Variants in LRRC7 observed in about 807,000 individuals in gnomAD.
The protein encoded by LRRC7 is leucine-rich repeat-containing protein 7.
Under a neutral mutation model 175.7 loss-of-function variants are expected in LRRC7, and 23 were observed. That is an observed-to-expected ratio of 0.13 (90% CI 0.09 to 0.19). The LOEUF (loss-of-function observed/expected upper bound fraction) is 0.19, where lower values mean the gene tolerates loss of function less well. LRRC7 is among the 10% of genes least tolerant of loss of function. LRRC7 has a pLI of 1.00. For missense variants in LRRC7, 1,354 were observed against 1,904.7 expected (o/e 0.71, Z 5.38); for synonymous variants, 685 against 680.9 (o/e 1.01, Z -0.09).
intron 7 of LRRC7, among the ~76,000 whole-genome samples, chr1:69,896,218 T>C (rs1172247796): frequency 6.6e-6 from 1 of 152,164 alleles, no homozygotes; most frequent in Non-Finnish European, 1.5e-5. Context: ...GATAATTTCA[T>C]ATATTCATAT....
intron 11 of LRRC7, among the ~76,000 whole-genome samples, chr1:70,010,299 C>CT (rs1656384825): frequency 6.6e-6 from 1 of 152,226 alleles, no homozygotes; most frequent in Non-Finnish European, 1.5e-5. Flanking sequence ...GGCACAGTGG[C>CT]TCACGCCTGT....
intron 23 of LRRC7, 100 bp downstream of exon 23, chr1:70,053,245 G>A: frequency 8.5e-7 from 1 of 1,169,928 alleles, no homozygotes. Flanking sequence ...CTAAGTTTGT[G>A]ATAACTTTAA....
intron 9 of LRRC7, among the ~76,000 whole-genome samples, chr1:69,982,250 T>C (rs545463582): frequency 6.6e-5 from 10 of 152,350 alleles, no homozygotes; most frequent in African/African-American, 2.4e-4. Flanking sequence ...CTGCTAGCTT[T>C]ATATAGATTC....
chr1:69,827,889 A>T (rs967893114), intron 5 of LRRC7, among the ~76,000 whole-genome samples: 1 of 152,144 alleles, frequency 6.6e-6, no homozygotes. Context: ...GAATTTTAAC[A>T]AATGTATACA....
At chr1:69,876,027 T>C (rs1191682765) in intron 7 of LRRC7, among the ~76,000 whole-genome samples, 1 of 152,116 alleles carries the variant, frequency 6.6e-6, no homozygotes, top group African/African-American at 2.4e-5. Context: ...TGAACAACAC[T>C]CTGTATTGCC....
At chr1:69,872,273 G>A (rs1314717404) in intron 7 of LRRC7, among the ~76,000 whole-genome samples, 1 of 151,976 alleles carries the variant, frequency 6.6e-6, no homozygotes, top group Non-Finnish European at 1.5e-5. Context: ...GTTATTAATT[G>A]AAATGTGATT....
rs1376622415 is a variant in LRRC7, at chr1:70,131,338, C to T, written c.*9451C>T. ...TGGGAATCTAATGATATCTAAGACC[C>T]CCAGGTTGGTAAGCTCCTAACCACA... On this transcript the variant is annotated 3_prime_UTR_variant, in exon 27 of 27. Transcript: ENST00000651989. Among the ~76,000 whole-genome samples the T allele has an allele frequency of 6.6e-6, 1 of 152,148 alleles. No homozygotes were observed. The highest frequency in any genetic ancestry group is 1.9e-4 in the East Asian group (1 of 5,190).
At chr1:69,991,997 T>A (rs1018324251) in intron 10 of LRRC7, among the ~76,000 whole-genome samples, 1 of 152,130 alleles carries the variant, frequency 6.6e-6, no homozygotes, top group Non-Finnish European at 1.5e-5. Context: ...TTTATCTTAC[T>A]CACTTAAAGG....
In LRRC7 at chr1:70,039,229, T is replaced by C. The variant is rs371095777; in HGVS notation, c.3405T>C (p.Ala1135=). ...CTCAGCCATCTGTGAATGAGGATGC[T>C]GTGGTGAATGCCCAGTTCGCAAGCC... ...SFSQPSVNED[A]VVNAQFASQG... Residue 1135 remains alanine (A), a synonymous_variant, in exon 21 of 27, where the codon GCT becomes GCC. Coordinates refer to ENST00000651989, the MANE Select transcript of LRRC7 (RefSeq NM_001370785.2). 9 of 1,613,886 alleles carry C rather than the reference T, an allele frequency of 5.6e-6. No individual in the cohort carries two copies. Among genetic ancestry groups the C allele is most frequent in the South Asian group, 1.1e-5 (1 of 91,078 alleles).
At chr1:69,738,816 G>A (rs372864856) in intron 2 of LRRC7, among the ~76,000 whole-genome samples, 9 of 151,940 alleles carry the variant, frequency 5.9e-5, no homozygotes, top group East Asian at 1.9e-4. Flanking sequence ...CTTGGCAGAC[G>A]GAGTAGAAAA....
rs1346614881 is a variant in LRRC7 at position 70,038,196 on chromosome 1, A to G, written c.2372A>G (p.Gln791Arg). Reference sequence around the variant, plus strand: ...GCTGTTCCCCCAGGCAATATACCACAGCGTCCTGACCGGCTGCCCATGAGT... The same window carrying G: ...GCTGTTCCCCCAGGCAATATACCACGGCGTCCTGACCGGCTGCCCATGAGT... Reference protein sequence around the residue: ...REAVPPGNIPQRPDRLPMSDT... With the variant: ...REAVPPGNIPRRPDRLPMSDT... Residue 791 changes from glutamine to arginine, a missense_variant, in exon 21 of 27, where the codon CAG becomes CGG. Gln to Arg is a conservative substitution (Grantham distance 43, BLOSUM62 1). This residue lies in a region of LRRC7 where 1,032 missense variants were observed against 1,227.2 expected (regional missense o/e 0.84). Coordinates refer to ENST00000651989, the MANE Select transcript of LRRC7 (RefSeq NM_001370785.2). 6.2e-7 allele frequency: 1 copy of G among 1,614,144 alleles called. No individual in the cohort carries two copies. Among genetic ancestry groups the G allele is most frequent in the Non-Finnish European group, 8.5e-7 (1 of 1,180,004 alleles).
intron 1 of LRRC7, among the ~76,000 whole-genome samples, chr1:69,611,006 TATAC>T (rs1648633347): frequency 6.6e-6 from 1 of 151,936 alleles, no homozygotes; most frequent in South Asian, 2.1e-4. Flanking sequence ...TTTTTATAAA[TATAC>T]ATAGTATTTG....
chr1:69,645,672 T>C (rs1038504803), intron 1 of LRRC7, among the ~76,000 whole-genome samples: 1 of 152,076 alleles, frequency 6.6e-6, no homozygotes, highest in African/African-American at 2.4e-5. Flanking sequence ...AATACTGCTT[T>C]TTTTAGAAAA....
intron 7 of LRRC7, among the ~76,000 whole-genome samples, chr1:69,914,811 C>T (rs1570630562): frequency 6.6e-6 from 1 of 151,984 alleles, no homozygotes. Context: ...GTTAACATAT[C>T]GTGTAATATA....
At chr1:69,695,943 G>A (rs1662526433) in intron 2 of LRRC7, among the ~76,000 whole-genome samples, 1 of 152,218 alleles carries the variant, frequency 6.6e-6, no homozygotes, top group African/African-American at 2.4e-5. Context: ...TGCAGAGACA[G>A]AGGCCCTGCA....
chr1:70,115,469 T>C (rs1401634717), intron 26 of LRRC7, among the ~76,000 whole-genome samples: 1 of 150,458 alleles, frequency 6.6e-6, no homozygotes, highest in Non-Finnish European at 1.5e-5. Context: ...TGTTTAACAC[T>C]AGTCACTCTA....
At chr1:69,679,197 A>T (rs1216441504) in intron 2 of LRRC7, among the ~76,000 whole-genome samples, 1 of 152,070 alleles carries the variant, frequency 6.6e-6, no homozygotes, top group Non-Finnish European at 1.5e-5. Context: ...AAGTTTCCTC[A>T]TGGTATTTGC....
At chr1:69,572,301 C>G (rs550541436) in intron 1 of LRRC7, among the ~76,000 whole-genome samples, 3 of 151,980 alleles carry the variant, frequency 2.0e-5, no homozygotes, top group East Asian at 3.9e-4. Flanking sequence ...ATAAAGATAG[C>G]AATTTAAACC....
chr1:69,805,455 A>T (rs1235245152), intron 4 of LRRC7, among the ~76,000 whole-genome samples: 1 of 151,906 alleles, frequency 6.6e-6, no homozygotes, highest in African/African-American at 2.4e-5. Context: ...TCAATAAGCA[A>T]TAAATGTGTT....
Sources: gnomAD v4.1 joint callset for allele counts (sites outside exome capture counted in the v4.1 genomes callset) on GRCh38, gnomAD v4.1.1 for gene constraint, gnomAD v4.1.1 regional missense constraint, MANE v1.5 for transcripts, NCBI Gene and HGNC (gene_info 2026-07-23, HGNC 2026-07-21) for gene names.